The following PATJ variants were observed in gnomAD, a reference collection of about 807,000 sequenced individuals.
PATJ encodes the protein inaD-like protein.
PATJ carries 190 observed loss-of-function variants against 224.9 expected under a neutral mutation model. The observed-to-expected ratio is 0.84, with a 90% CI of 0.75 to 0.95. The LOEUF is 0.95. Among genes scored for constraint, PATJ ranks in the 40% least tolerant of loss-of-function variants. PATJ has a pLI of 0.00. For synonymous variants in PATJ, 769 were observed against 820.3 expected (o/e 0.94, Z 1.07); for missense variants, 2,121 against 2,270.3 (o/e 0.93, Z 1.34).
intron 8 of PATJ, among the ~76,000 whole-genome samples, chr1:61,790,894 T>C (rs1294191907): frequency 6.6e-6 from 1 of 152,148 alleles, no homozygotes; most frequent in African/African-American, 2.4e-5. Flanking sequence ...GGACAGCCCA[T>C]ACCCAGTCTC....
At chr1:61,813,356 T>TAG (rs1557690122) in intron 14 of PATJ, among the ~76,000 whole-genome samples, 3 of 49,376 alleles carry the variant, frequency 6.1e-5, no homozygotes, top group Non-Finnish European at 1.4e-4. Context: ...TATATATATA[T>TAG]ATATATATAT....
intron 28 of PATJ, chr1:61,991,694 G>A (rs1388444499): frequency 3.0e-6 from 3 of 983,920 alleles, no homozygotes; most frequent in Non-Finnish European, 3.6e-6. Flanking sequence ...ATAGCACCAC[G>A]AATGGGACCC....
chr1:62,130,629 A>G (rs898269753), intron 41 of PATJ, among the ~76,000 whole-genome samples: 2 of 151,540 alleles, frequency 1.3e-5, no homozygotes, highest in Non-Finnish European at 3.0e-5. Context: ...AGGCGGGCGG[A>G]TCACGAGGTC....
intron 14 of PATJ, among the ~76,000 whole-genome samples, chr1:61,813,378 T>TATATATAC (rs1376176032): frequency 1.9e-4 from 9 of 46,344 alleles, no homozygotes; most frequent in South Asian, 8.4e-4. Context: ...TATATATATA[T>TATATATAC]ACACACACAC....
In PATJ at chr1:61,805,424, T is replaced by G. The variant is rs776749564; in HGVS notation, c.1550-24T>G. On this transcript the variant is annotated intron_variant, in intron 12 of 43. Transcript: ENST00000642238. The stretch of plus-strand genomic sequence containing the variant: ...CAGTAGTTTCAACATTCTCTCGCTC[T>G]CTCTCTTTTTTTTTAATATCCAGAA... 7 of 1,485,722 alleles carry G rather than the reference T, an allele frequency of 4.7e-6. No individual in the cohort carries two copies. The African/African-American group carries it at 9.7e-5, about 21-fold the overall frequency. 92.0% of individuals were successfully genotyped at this position (1,485,722 alleles called of 1,614,324 possible). A position where few individuals can be genotyped will look rare whatever the true frequency, so the allele number is the denominator to read the frequency against.
chr1:61,852,271 C>T (rs942387254), intron 17 of PATJ, among the ~76,000 whole-genome samples: 17 of 152,076 alleles, frequency 1.1e-4, no homozygotes, highest in Non-Finnish European at 1.8e-4. Context: ...GAATGGCTCC[C>T]ATAGTACATG....
At chr1:61,878,098 G>A (rs1667581201) in intron 21 of PATJ, among the ~76,000 whole-genome samples, 1 of 152,238 alleles carries the variant, frequency 6.6e-6, no homozygotes, top group African/African-American at 2.4e-5. Flanking sequence ...ACCAACCTAT[G>A]CAACTTAGTG....
intron 20 of PATJ, among the ~76,000 whole-genome samples, chr1:61,865,910 C>T (rs1261793352): frequency 2.0e-5 from 3 of 152,064 alleles, no homozygotes; most frequent in African/African-American, 7.2e-5. Flanking sequence ...CTTTGTCCCT[C>T]ATGCAAATGC....
chr1:61,988,681 A>C (rs1224484796), intron 27 of PATJ, among the ~76,000 whole-genome samples: 1 of 152,220 alleles, frequency 6.6e-6, no homozygotes, highest in Non-Finnish European at 1.5e-5. Flanking sequence ...TTCATTCTAA[A>C]ATAAGCCCCC....
At chr1:61,892,526 T>C (rs1307034769) in intron 22 of PATJ, among the ~76,000 whole-genome samples, 1 of 152,188 alleles carries the variant, frequency 6.6e-6, no homozygotes, top group Non-Finnish European at 1.5e-5. Flanking sequence ...TGTAAAGAAT[T>C]ATAACTTTAG....
chr1:61,765,827 C>T (rs1646239708), intron 3 of PATJ, among the ~76,000 whole-genome samples: 1 of 152,100 alleles, frequency 6.6e-6, no homozygotes, highest in Non-Finnish European at 1.5e-5. Context: ...AATGATAATA[C>T]CTGCAATCAT....
rs1229569830 is a variant in PATJ, at chr1:61,878,682, TA to T, written c.2959+3331del. Among the ~76,000 whole-genome samples, 890 of 138,650 alleles carry T rather than the reference TA, an allele frequency of 6.4e-3. 3 individuals carry two copies. Among genetic ancestry groups the T allele is most frequent in the African/African-American group, 0.01 (397 of 38,008 alleles). 91.0% of individuals were successfully genotyped at this position (138,650 alleles called of 152,430 possible). A position where few individuals can be genotyped will look rare whatever the true frequency, so the allele number is the denominator to read the frequency against. On this transcript the variant is annotated intron_variant, in intron 21 of 43. Coordinates refer to ENST00000642238, the MANE Select transcript of PATJ (RefSeq NM_001350145.3). ...AACATAGGGAGACCCCATCTCTATT[TA>T]AAAAAAAAAAAAAAGTTTTAAAAGA...
intron 41 of PATJ, among the ~76,000 whole-genome samples, chr1:62,146,346 G>A (rs1004222247): frequency 2.6e-5 from 4 of 152,126 alleles, no homozygotes; most frequent in East Asian, 1.9e-4. Flanking sequence ...CAAGAGAGTC[G>A]AGTTTCCTTT....
chr1:62,112,189 A>G (rs1663906870), intron 34 of PATJ, among the ~76,000 whole-genome samples: 1 of 152,000 alleles, frequency 6.6e-6, no homozygotes, highest in Non-Finnish European at 1.5e-5. Flanking sequence ...ACTGGTCCTT[A>G]GTCTTTAGAA....
At chr1:61,817,561 G>A (rs1656382014) in intron 14 of PATJ, among the ~76,000 whole-genome samples, 1 of 152,118 alleles carries the variant, frequency 6.6e-6, no homozygotes, top group Non-Finnish European at 1.5e-5. Context: ...CTGCTGGGGA[G>A]GTTAAGGCAG....
chr1:62,104,016 T>G (rs1662562928), intron 33 of PATJ, among the ~76,000 whole-genome samples: 1 of 151,590 alleles, frequency 6.6e-6, no homozygotes, highest in South Asian at 2.1e-4. Context: ...ACCTGCAGAG[T>G]GGGTTGATTA....
At chr1:61,988,287 G>C (rs1298640572) in intron 27 of PATJ, among the ~76,000 whole-genome samples, 1 of 152,204 alleles carries the variant, frequency 6.6e-6, no homozygotes, top group Non-Finnish European at 1.5e-5. Flanking sequence ...TAATAAGTTA[G>C]TATTTATTCA....
chr1:61,778,094 G>C (rs1647038886), intron 7 of PATJ, among the ~76,000 whole-genome samples: 1 of 152,078 alleles, frequency 6.6e-6, no homozygotes, highest in African/African-American at 2.4e-5. Flanking sequence ...TGCCCAGGCT[G>C]ATTTCAAATT....
intron 29 of PATJ, among the ~76,000 whole-genome samples, chr1:62,022,912 GATGATATTGCTTGA>G (rs1647172384): frequency 6.6e-6 from 1 of 152,164 alleles, no homozygotes; most frequent in Admixed American, 6.5e-5. Flanking sequence ...ATCCCTGAAA[GATGATATTGCTTGA>G]ATTAATGTGA....
Sources: allele counts gnomAD v4.1 joint callset (sites outside exome capture counted in the v4.1 genomes callset), GRCh38; gene constraint gnomAD v4.1.1; transcripts MANE v1.5; gene names NCBI Gene and HGNC (gene_info 2026-07-23, HGNC 2026-07-21).